The following CCNG1 variants were observed in gnomAD, a reference collection of about 807,000 sequenced individuals.
CCNG1 encodes the protein cyclin G1.
Under a neutral mutation model 30.0 loss-of-function variants are expected in CCNG1, and 13 were observed. The observed-to-expected ratio is 0.43, with a 90% CI of 0.28 to 0.69. The LOEUF is 0.69. CCNG1 is among the 30% of genes least tolerant of loss of function. The pLI, the probability that CCNG1 is intolerant of heterozygous loss-of-function variation, is 0.16. For synonymous variants in CCNG1, 110 were observed against 121.5 expected (o/e 0.91, Z 0.62); for missense variants, 285 against 331.4 (o/e 0.86, Z 1.09).
downstream of CCNG1, chr5:163,448,936 G>C (rs1758109606): frequency 6.6e-6 from 1 of 152,166 alleles, no homozygotes; most frequent in Non-Finnish European, 1.5e-5. Flanking sequence ...CAAATTAATA[G>C]ATGGGAACTT....
intron 3 of CCNG1, 65 bp from the exon 4 acceptor site, chr5:163,441,821 C>A: frequency 2.0e-6 from 2 of 995,226 alleles, no homozygotes; most frequent in Non-Finnish European, 3.1e-6. Context: ...CAATGTTTTT[C>A]TAAAAACATC....
chr5:163,439,534 T>C lies in CCNG1; in HGVS notation c.264+14T>C, dbSNP rs1373677916. 15 of 1,601,540 alleles carry C rather than the reference T, an allele frequency of 9.4e-6. No homozygotes were observed. Among genetic ancestry groups the C allele is most frequent in the Admixed American group, 1.7e-5 (1 of 58,840 alleles). On this transcript the variant is annotated intron_variant, in intron 2 of 6. Transcript: ENST00000340828. ...TCTAAAATGAAGGTATGTTTGAAGC[T>C]ACATTTTTGTAATTTTGCTCAGTGT...
chr5:163,443,606 T>C, intron 6 of CCNG1, 68 bp from the exon 7 acceptor site: 1 of 773,758 alleles, frequency 1.3e-6, no homozygotes, highest in Non-Finnish European at 2.2e-6. Context: ...ATTTCAATTT[T>C]CTTAGTAGTA....
At position 163,442,520 on chromosome 5, in the gene CCNG1, C is replaced by G. The variant is rs1187622058; in HGVS notation, c.843C>G (p.Tyr281Ter). ...GRTARQLKHSYYRITHLPTIP... is the reference protein window; with the variant it reads ...GRTARQLKHS Reference sequence around the variant, plus strand: ...CTGCACGGCAATTGAAGCATAGCTACTACAGAATAACTCACCTTCCAACAA... The same window carrying G: ...CTGCACGGCAATTGAAGCATAGCTAGTACAGAATAACTCACCTTCCAACAA... The change falls in exon 6 of 7, where the codon TAC becomes TAG. Residue 281 changes from tyrosine (Y) to a stop codon, truncating the protein, a stop_gained. Coordinates refer to ENST00000340828, the MANE Select transcript of CCNG1 (RefSeq NM_004060.4). LOFTEE classifies it high-confidence loss of function. The G allele has an allele frequency of 6.2e-7, 1 of 1,613,158 alleles. No homozygotes were observed. Among genetic ancestry groups the G allele is most frequent in the Admixed American group, 1.7e-5 (1 of 59,862 alleles).
In CCNG1 at chr5:163,439,529, G is replaced by C; in HGVS notation, c.264+9G>C. 1 of 1,604,860 alleles carries C rather than the reference G, an allele frequency of 6.2e-7. No homozygotes were observed. The highest frequency in any genetic ancestry group is 8.5e-7 in the Non-Finnish European group (1 of 1,174,354). Reference sequence around the variant, plus strand: ...TCCTGTCTAAAATGAAGGTATGTTTGAAGCTACATTTTTGTAATTTTGCTC... The same window carrying C: ...TCCTGTCTAAAATGAAGGTATGTTTCAAGCTACATTTTTGTAATTTTGCTC... On this transcript the variant is annotated intron_variant, in intron 2 of 6. Coordinates refer to ENST00000340828, the MANE Select transcript of CCNG1 (RefSeq NM_004060.4).
At chr5:163,455,314 G>A in the CCNG1 span, among the ~76,000 whole-genome samples, 3 of 152,264 alleles carry the variant, frequency 2.0e-5, no homozygotes, top group Non-Finnish European at 4.4e-5. Flanking sequence ...TTAAGGAACA[G>A]CAAACAGGCC....
At chr5:163,453,955 GA>G in the CCNG1 span, 8 of 1,466,580 alleles carry the variant, frequency 5.5e-6, no homozygotes, top group East Asian at 2.4e-5. Flanking sequence ...CAGAATGCAG[GA>G]AAAAAAGCAG....
the CCNG1 span, chr5:163,453,780 T>G: frequency 5.1e-6 from 2 of 395,922 alleles, no homozygotes; most frequent in Non-Finnish European, 9.2e-6. Context: ...CATATATCCA[T>G]AGAATAGTTC....
chr5:163,453,255 A>G, the CCNG1 span: 1 of 152,212 alleles, frequency 6.6e-6, no homozygotes, highest in Non-Finnish European at 1.5e-5. Context: ...ATTCCTACCT[A>G]TATGCCTAAA....
At chr5:163,453,743 G>A in the CCNG1 span, 2 of 334,430 alleles carry the variant, frequency 6.0e-6, no homozygotes, top group Non-Finnish European at 1.1e-5. Flanking sequence ...TTCATGCTGA[G>A]CAAAAACAAG....
At chr5:163,455,139 G>T in the CCNG1 span, among the ~76,000 whole-genome samples, 1,488 of 146,440 alleles carry the variant, frequency 0.01, 54 homozygotes, top group East Asian at 0.1. Flanking sequence ...GTTGGTAAGT[G>T]ACACAGAAAA....
chr5:163,456,213 A>G, the CCNG1 span, among the ~76,000 whole-genome samples: 1 of 152,214 alleles, frequency 6.6e-6, no homozygotes, highest in South Asian at 2.1e-4. Flanking sequence ...TATCATAAAG[A>G]CGTACATTAT....
At chr5:163,456,370 C>A in the CCNG1 span, among the ~76,000 whole-genome samples, 1 of 152,076 alleles carries the variant, frequency 6.6e-6, no homozygotes, top group Non-Finnish European at 1.5e-5. Flanking sequence ...AGGCAAACAG[C>A]CAAATAATGA....
chr5:163,442,866 G>A (rs1466010350), intron 6 of CCNG1, among the ~76,000 whole-genome samples: 1 of 151,940 alleles, frequency 6.6e-6, no homozygotes, highest in Non-Finnish European at 1.5e-5. Context: ...TTTTTTAATT[G>A]CACATGATCT....
chr5:163,457,424 T>G, the CCNG1 span: 1 of 632,858 alleles, frequency 1.6e-6, no homozygotes, highest in Non-Finnish European at 2.8e-6. Context: ...TAGGTAACTT[T>G]GACATACAAC....
the CCNG1 span, chr5:163,453,994 T>C: frequency 6.4e-7 from 1 of 1,551,684 alleles, no homozygotes; most frequent in Non-Finnish European, 8.7e-7. Flanking sequence ...AGAAATCTGG[T>C]CCACCTTTAG....
At chr5:163,452,045 C>G in the CCNG1 span, 1 of 151,130 alleles carries the variant, frequency 6.6e-6, no homozygotes, top group Admixed American at 6.6e-5. Context: ...AAGAGTGAAA[C>G]TCCACCTTAA....
intron 6 of CCNG1, among the ~76,000 whole-genome samples, chr5:163,443,228 C>T (rs2069362): frequency 0.16 from 23,584 of 150,000 alleles, 2,156 homozygotes; most frequent in South Asian, 0.4. Flanking sequence ...AGGAGAATGG[C>T]GGGAACCCGG....
At chr5:163,439,105 T>A in intron 1 of CCNG1, 152 bp from the exon 2 acceptor site, 1 of 622,260 alleles carries the variant, frequency 1.6e-6, no homozygotes, top group Non-Finnish European at 2.8e-6. Context: ...GGGAAATAAA[T>A]AACAGATGGC....
Sources: allele counts gnomAD v4.1 joint callset (sites outside exome capture counted in the v4.1 genomes callset), GRCh38; gene constraint gnomAD v4.1.1; transcripts MANE v1.5; gene names NCBI Gene and HGNC (gene_info 2026-07-23, HGNC 2026-07-21).